The following SLCO3A1 variants were observed in gnomAD, a reference collection of about 807,000 sequenced individuals.
The protein encoded by SLCO3A1 is PGE1 transporter.
Under a neutral mutation model 63.1 loss-of-function variants are expected in SLCO3A1, and 27 were observed. That is an observed-to-expected ratio of 0.43 (90% CI 0.32 to 0.59). The LOEUF (loss-of-function observed/expected upper bound fraction) is 0.59, where lower values mean the gene tolerates loss of function less well. Ranked by LOEUF, SLCO3A1 falls within the 20% of genes least tolerant of loss-of-function variation. SLCO3A1 has a pLI of 0.09. For missense variants in SLCO3A1, 773 were observed against 945.8 expected (o/e 0.82, Z 2.40); for synonymous variants, 473 against 409.9 (o/e 1.15, Z -1.86).
intron 2 of SLCO3A1, among the ~76,000 whole-genome samples, chr15:91,956,779 CTTCTTTTTTTTTTTTTT>C (rs927224994): frequency 3.8e-4 from 54 of 143,522 alleles, no homozygotes; most frequent in Middle Eastern, 3.6e-3. Context: ...CTTGCCTTGC[CTTCTTTTTTTTTTTTTT>C]TTCTTTTTTT....
intron 9 of SLCO3A1, among the ~76,000 whole-genome samples, chr15:92,161,199 A>G (rs1161660397): frequency 2.0e-5 from 3 of 152,130 alleles, no homozygotes; most frequent in African/African-American, 4.8e-5. Context: ...CCTCAAGGGG[A>G]CAGTTTTTTT....
At position 92,147,176 on chromosome 15, in the gene SLCO3A1, G is replaced by T; in HGVS notation, c.1688+17G>T. 6.3e-7 allele frequency: 1 copy of T among 1,595,638 alleles called. No individual in the cohort carries two copies. Among genetic ancestry groups the T allele is most frequent in the Non-Finnish European group, 8.5e-7 (1 of 1,169,970 alleles). On this transcript the variant is annotated intron_variant, in intron 8 of 9. Transcript: ENST00000318445. ...CCTCATCAGGTAAGCCCTCGGCACA[G>T]CCCCGCCTCTCCTCCTTTCCACCTG...
intron 7 of SLCO3A1, among the ~76,000 whole-genome samples, chr15:92,137,118 C>T (rs1240811992): frequency 2.1e-5 from 3 of 143,964 alleles, no homozygotes; most frequent in Admixed American, 7.0e-5. Flanking sequence ...TGCTATCCCT[C>T]CCCCGTCCCC....
intron 1 of SLCO3A1, among the ~76,000 whole-genome samples, chr15:91,868,793 C>G (rs912843658): frequency 6.6e-6 from 1 of 152,096 alleles, no homozygotes; most frequent in Non-Finnish European, 1.5e-5. Context: ...GTGCTACTGT[C>G]GTGATTTTTA....
At chr15:92,112,304 C>A (rs2047738890) in intron 4 of SLCO3A1, among the ~76,000 whole-genome samples, 1 of 152,168 alleles carries the variant, frequency 6.6e-6, no homozygotes, top group Non-Finnish European at 1.5e-5. Context: ...ACCAGCAGTT[C>A]CTGGTATCTG....
chr15:92,032,914 T>G (rs1251072441), intron 2 of SLCO3A1, among the ~76,000 whole-genome samples: 1 of 88,748 alleles, frequency 1.1e-5, no homozygotes, highest in Admixed American at 1.9e-4. Flanking sequence ...GAAGTCAAGA[T>G]AGAAAAAGTG....
intron 1 of SLCO3A1, among the ~76,000 whole-genome samples, chr15:91,898,782 T>C (rs1301410078): frequency 1.3e-5 from 2 of 152,136 alleles, no homozygotes; most frequent in African/African-American, 2.4e-5. Context: ...ATTATGAATA[T>C]ATAGAGAGAT....
At chr15:92,073,357 G>A (rs2047239254) in intron 2 of SLCO3A1, among the ~76,000 whole-genome samples, 1 of 152,182 alleles carries the variant, frequency 6.6e-6, no homozygotes, top group Non-Finnish European at 1.5e-5. Context: ...GTGTTGAGAT[G>A]TTATGGAAAC....
At chr15:92,051,420 G>A (rs1303720480) in intron 2 of SLCO3A1, among the ~76,000 whole-genome samples, 1 of 152,126 alleles carries the variant, frequency 6.6e-6, no homozygotes, top group Non-Finnish European at 1.5e-5. Flanking sequence ...TTCATCTTGT[G>A]GGCAGTTGGA....
At chr15:92,065,564 A>G (rs1354874418) in intron 2 of SLCO3A1, among the ~76,000 whole-genome samples, 1 of 152,190 alleles carries the variant, frequency 6.6e-6, no homozygotes, top group African/African-American at 2.4e-5. Context: ...CAAGGAAAAA[A>G]GGAGGCTAGG....
At chr15:92,019,988 G>C (rs1325863000) in intron 2 of SLCO3A1, among the ~76,000 whole-genome samples, 2 of 152,142 alleles carry the variant, frequency 1.3e-5, no homozygotes, top group African/African-American at 4.8e-5. Flanking sequence ...TGGGGGAAGC[G>C]ACATGGATAC....
At chr15:91,922,096 A>G (rs559168880) in intron 2 of SLCO3A1, among the ~76,000 whole-genome samples, 16 of 152,288 alleles carry the variant, frequency 1.1e-4, no homozygotes, top group African/African-American at 3.9e-4. Context: ...GTGCAATTGT[A>G]TCAAATGTGG....
chr15:92,013,404 G>A (rs920087518), intron 2 of SLCO3A1, among the ~76,000 whole-genome samples: 4 of 152,178 alleles, frequency 2.6e-5, no homozygotes, highest in Non-Finnish European at 4.4e-5. Flanking sequence ...CAGGTGCTGT[G>A]TTGGCTGCCA....
intron 2 of SLCO3A1, among the ~76,000 whole-genome samples, chr15:92,074,544 G>C (rs2151517731): frequency 6.6e-6 from 1 of 152,310 alleles, no homozygotes; most frequent in African/African-American, 2.4e-5. Flanking sequence ...CTGAAGGTCT[G>C]CTATTTACCA....
intron 2 of SLCO3A1, among the ~76,000 whole-genome samples, chr15:92,005,342 T>C (rs1832549475): frequency 6.6e-6 from 1 of 152,196 alleles, no homozygotes; most frequent in African/African-American, 2.4e-5. Flanking sequence ...AGAGGTGCAG[T>C]GATGGCCATA....
rs1174000554 is a variant in SLCO3A1 at position 91,942,320 on chromosome 15, T to C, written c.646+25862T>C. On this transcript the variant is annotated intron_variant, in intron 2 of 9. Coordinates refer to ENST00000318445, the MANE Select transcript of SLCO3A1 (RefSeq NM_013272.4). The surrounding 1 kb of genome is among the most constrained non-coding windows in gnomAD (Gnocchi z 4.1). ...GAGCCTCCAGGACTTGATTAGATAT[T>C]GTTACACAGTGGTGATATGAGAACA... is the stretch of plus-strand genomic sequence containing the variant. 6.6e-6 allele frequency among the ~76,000 whole-genome samples: 1 copy of C among 152,202 alleles called. No homozygotes were observed. Among genetic ancestry groups the C allele is most frequent in the African/African-American group, 2.4e-5 (1 of 41,452 alleles).
chr15:92,151,049 T>C (rs931388355), intron 9 of SLCO3A1, 35 bp downstream of exon 9: 1 of 1,419,146 alleles, frequency 7.0e-7, no homozygotes, highest in African/African-American at 1.4e-5. Flanking sequence ...CAATAATGAA[T>C]TGGATGCTTA....
rs951522897 is a variant in SLCO3A1, at chr15:91,967,246, T to C, written c.646+50788T>C. On this transcript the variant is annotated intron_variant, in intron 2 of 9. Coordinates refer to ENST00000318445, the MANE Select transcript of SLCO3A1 (RefSeq NM_013272.4). The surrounding 1 kb of genome is among the most constrained non-coding windows in gnomAD (Gnocchi z 4.4). Reference sequence around the variant, plus strand: ...TTGTTACATTTTTATTCATTTAAAATATTAAAATGACAATAAGAGAGGTTT... The same window carrying C: ...TTGTTACATTTTTATTCATTTAAAACATTAAAATGACAATAAGAGAGGTTT... 2.6e-5 allele frequency among the ~76,000 whole-genome samples: 4 copies of C among 152,230 alleles called. No homozygotes were observed. The highest frequency in any genetic ancestry group is 5.9e-5 in the Non-Finnish European group (4 of 68,046).
At chr15:91,972,089 T>A (rs1256388753) in intron 2 of SLCO3A1, among the ~76,000 whole-genome samples, 1 of 152,210 alleles carries the variant, frequency 6.6e-6, no homozygotes, top group African/African-American at 2.4e-5. Flanking sequence ...ATATCTTGGA[T>A]AATGAGAATT....
Sources: gnomAD v4.1 joint callset for allele counts (sites outside exome capture counted in the v4.1 genomes callset) on GRCh38, gnomAD v4.1.1 for gene constraint, Gnocchi (gnomAD v3.1) non-coding constraint, MANE v1.5 for transcripts, NCBI Gene and HGNC (gene_info 2026-07-23, HGNC 2026-07-21) for gene names.